Variants in TEF observed in about 807,000 individuals in gnomAD.
TEF encodes TEF transcription factor, PAR bZIP family member, also known as thyrotroph embryonic factor.
A neutral mutation model predicts 20.8 loss-of-function variants in TEF; 3 were observed. The ratio of observed to expected loss-of-function variants is 0.14; its 90% CI spans 0.07 to 0.37. The LOEUF (loss-of-function observed/expected upper bound fraction) is 0.37, where lower values mean the gene tolerates loss of function less well. Among genes scored for constraint, TEF ranks in the 10% least tolerant of loss-of-function variants. The pLI is 1.00. For synonymous variants in TEF, 180 were observed against 171.1 expected (o/e 1.05, Z -0.41); for missense variants, 296 against 397.9 (o/e 0.74, Z 2.18).
chr22:41,370,787 C>T (rs2036875205), intron 1 of TEF, among the ~76,000 whole-genome samples: 1 of 152,174 alleles, frequency 6.6e-6, no homozygotes, highest in Admixed American at 6.5e-5. Flanking sequence ...TGCCCCTGGG[C>T]CTCCCAGCCC....
rs1260627900 is a variant in TEF, at chr22:41,397,272, C to T, written c.*1312C>T. ...GTGGCTTCTCACAGCTGTGGTCTCC[C>T]CTGCCTCACAACGACTCCTTTCTCT... On this transcript the variant is annotated 3_prime_UTR_variant, in exon 4 of 4. Coordinates refer to ENST00000266304, the MANE Select transcript of TEF (RefSeq NM_003216.4). The T allele has an allele frequency of 2.5e-6, 1 of 397,274 alleles. No individual in the cohort carries two copies. The allele number at this position is 397,274 out of a possible 1,614,324, so 24.6% of individuals were successfully genotyped here.
At chr22:41,393,733 A>G (rs2037193759) in intron 2 of TEF, among the ~76,000 whole-genome samples, 1 of 148,892 alleles carries the variant, frequency 6.7e-6, no homozygotes, top group South Asian at 2.1e-4. Flanking sequence ...AGATTGCGCC[A>G]CTGCACTCCA....
At chr22:41,389,334 G>C (rs1366199883) in intron 2 of TEF, among the ~76,000 whole-genome samples, 1 of 152,260 alleles carries the variant, frequency 6.6e-6, no homozygotes, top group South Asian at 2.1e-4. Context: ...CCAGGAGGCA[G>C]AGCTTGCAGT....
At chr22:41,388,163 A>AT (rs1359405997) in intron 2 of TEF, among the ~76,000 whole-genome samples, 1 of 151,100 alleles carries the variant, frequency 6.6e-6, no homozygotes, top group Non-Finnish European at 1.5e-5. Context: ...CGCCTGGCTA[A>AT]TTTTTTTATT....
chr22:41,378,821 TTCCCC>T (rs2036979384), upstream of TEF, among the ~76,000 whole-genome samples: 1 of 152,150 alleles, frequency 6.6e-6, no homozygotes, highest in Admixed American at 6.5e-5. Flanking sequence ...CTAGGTTAGC[TTCCCC>T]TAAAGGTGTT....
upstream of TEF, among the ~76,000 whole-genome samples, chr22:41,381,423 G>A (rs1002922557): frequency 1.8e-3 from 281 of 152,034 alleles, 2 homozygotes; most frequent in Middle Eastern, 3.4e-3. Context: ...CCCGCGACCA[G>A]ACTCGGCTGC....
chr22:41,379,336 C>T (rs749564311), upstream of TEF, among the ~76,000 whole-genome samples: 23 of 150,610 alleles, frequency 1.5e-4, no homozygotes, highest in Non-Finnish European at 3.2e-4. Context: ...GAGACTCTGT[C>T]TCGGAAAAAA....
In TEF at chr22:41,392,685, AAAAAAAAAAGACTAAGTGACTAGATGG is replaced by A. The variant is rs1201251021; in HGVS notation, c.476-1410_476-1384del. ...TGAGACTCTTCAAAAAAAAAAAAAA[AAAAAAAAAAGACTAAGTGACTAGATGG>A]CACAGTAACAGACATGTCTCAGGGA... On this transcript the variant is annotated intron_variant, in intron 2 of 3. Coordinates refer to ENST00000266304, the MANE Select transcript of TEF (RefSeq NM_003216.4). Among the ~76,000 whole-genome samples, 29 of 151,254 alleles carry A rather than the reference AAAAAAAAAAGACTAAGTGACTAGATGG, an allele frequency of 1.9e-4. 1 individual carries two copies. Among genetic ancestry groups the A allele is most frequent in the Admixed American group, 1.9e-3 (28 of 15,134 alleles).
upstream of TEF, among the ~76,000 whole-genome samples, chr22:41,381,758 A>G (rs1030174030): frequency 9.3e-5 from 14 of 151,328 alleles, no homozygotes; most frequent in Non-Finnish European, 1.6e-4. Context: ...GCACGTGTCT[A>G]TCTTATCCCG....
At chr22:41,391,856 CGT>C (rs2037171468) in intron 2 of TEF, among the ~76,000 whole-genome samples, 1 of 152,114 alleles carries the variant, frequency 6.6e-6, no homozygotes, top group Non-Finnish European at 1.5e-5. Context: ...CTCTTGACCT[CGT>C]GATCCACACG....
intron 1 of TEF, among the ~76,000 whole-genome samples, chr22:41,385,981 G>A (rs1275982423): frequency 2.6e-5 from 4 of 151,336 alleles, no homozygotes; most frequent in African/African-American, 9.7e-5. Flanking sequence ...CACCGCCCCC[G>A]GTACCTGGCT....
intron 2 of TEF, among the ~76,000 whole-genome samples, chr22:41,389,404 G>GA (rs918807867): frequency 1.3e-4 from 19 of 144,312 alleles, no homozygotes; most frequent in Non-Finnish European, 2.0e-4. Flanking sequence ...CCATCTCAAA[G>GA]AAAAAAAAAG....
intron 1 of TEF, among the ~76,000 whole-genome samples, chr22:41,376,642 T>C (rs1316110034): frequency 1.3e-5 from 2 of 152,212 alleles, no homozygotes; most frequent in African/African-American, 2.4e-5. Context: ...ATCTTGTCTG[T>C]AGCTTAGACT....
chr22:41,386,667 C>T (rs940817386), intron 1 of TEF, among the ~76,000 whole-genome samples: 4 of 151,170 alleles, frequency 2.6e-5, no homozygotes, highest in African/African-American at 9.7e-5. Context: ...TGCTTGAACC[C>T]AGGAGGCAGA....
intron 2 of TEF, among the ~76,000 whole-genome samples, chr22:41,390,938 A>G (rs2037157768): frequency 6.6e-6 from 1 of 151,876 alleles, no homozygotes; most frequent in African/African-American, 2.4e-5. Context: ...ACTTAACCAC[A>G]TCTTGCCACT....
intron 1 of TEF, among the ~76,000 whole-genome samples, chr22:41,368,261 ATC>A (rs71790345): frequency 0.052 from 7,831 of 151,892 alleles, 648 homozygotes; most frequent in African/African-American, 0.18. Flanking sequence ...ATACTGATAA[ATC>A]TCTCTCCAAA....
At chr22:41,376,117 T>G (rs1185296130) in intron 1 of TEF, among the ~76,000 whole-genome samples, 2 of 152,252 alleles carry the variant, frequency 1.3e-5, no homozygotes, top group African/African-American at 4.8e-5. Flanking sequence ...GCTCCTGTGT[T>G]GGAGTTTTAG....
At position 41,395,783 on chromosome 22, in the gene TEF, G is replaced by A. The variant is rs137868257; in HGVS notation, c.735G>A (p.Val245=). The A allele has an allele frequency of 1.8e-5, 29 of 1,613,990 alleles. No individual in the cohort carries two copies. The highest frequency in any genetic ancestry group is 2.2e-5 in the Non-Finnish European group (26 of 1,180,016). Residue 245 remains valine (V), a synonymous_variant, in exon 4 of 4, where the codon GTG becomes GTA. Coordinates refer to ENST00000266304, the MANE Select transcript of TEF (RefSeq NM_003216.4). The part of the protein sequence containing the change: ...KYWTRRKKNN[V]AAKRSRDARR... ...GGACAAGACGCAAGAAGAACAACGT[G>A]GCAGCTAAACGGTCACGGGATGCCC...
At chr22:41,368,453 C>G (rs1376881269) in intron 1 of TEF, among the ~76,000 whole-genome samples, 3 of 152,002 alleles carry the variant, frequency 2.0e-5, no homozygotes, top group Admixed American at 6.5e-5. Context: ...CACCTGCTAC[C>G]TAGCATCACC....
Sources: allele counts gnomAD v4.1 joint callset (sites outside exome capture counted in the v4.1 genomes callset), GRCh38; gene constraint gnomAD v4.1.1; transcripts MANE v1.5; gene names NCBI Gene and HGNC (gene_info 2026-07-23, HGNC 2026-07-21).